The following NLGN1 variants were observed in gnomAD, a reference collection of about 807,000 sequenced individuals.
NLGN1 encodes the protein neuroligin-1.
NLGN1 carries 12 observed loss-of-function variants against 65.5 expected under a neutral mutation model. The observed-to-expected ratio is 0.18, with a 90% CI of 0.12 to 0.30. NLGN1 has a LOEUF of 0.30. NLGN1 is among the 10% of genes least tolerant of loss of function. NLGN1 has a pLI of 1.00. For missense variants in NLGN1, 750 were observed against 1,007.1 expected (o/e 0.74, Z 3.46); for synonymous variants, 350 against 359.5 (o/e 0.97, Z 0.30).
intron 3 of NLGN1, among the ~76,000 whole-genome samples, chr3:173,796,389 A>G (rs1270041909): frequency 6.6e-6 from 1 of 150,382 alleles, no homozygotes; most frequent in African/African-American, 2.5e-5. Flanking sequence ...GTCCTTTACC[A>G]GAACCCATAC....
chr3:173,711,571 C>T (rs1768997055), intron 3 of NLGN1, among the ~76,000 whole-genome samples: 1 of 152,108 alleles, frequency 6.6e-6, no homozygotes, highest in African/African-American at 2.4e-5. Context: ...AGCATCAAAG[C>T]TCATTAGTTT....
intron 2 of NLGN1, among the ~76,000 whole-genome samples, chr3:173,514,639 G>T (rs1436757832): frequency 6.6e-6 from 1 of 152,074 alleles, no homozygotes; most frequent in African/African-American, 2.4e-5. Context: ...GAAATTTTGT[G>T]CCCATTGATC....
chr3:173,524,605 A>G (rs60259155), intron 2 of NLGN1, among the ~76,000 whole-genome samples: 5,399 of 152,172 alleles, frequency 0.035, 313 homozygotes, highest in African/African-American at 0.12. Context: ...ACTGTGTTGA[A>G]TAGTAGTGGT....
Position 173,941,949 on chromosome 3 carries a change from C to T in NLGN1, c.646+134117C>T, listed in dbSNP as rs976372215. On this transcript the variant is annotated intron_variant, in intron 4 of 6. Coordinates refer to ENST00000457714, the Ensembl canonical transcript of NLGN1. ...AAACATCCTGCTTATGAAGAAGTGACATCCACAGATGCTATGGGGCACTGG... is the reference window on the plus strand; with the variant it reads ...AAACATCCTGCTTATGAAGAAGTGATATCCACAGATGCTATGGGGCACTGG... 2.6e-5 allele frequency among the ~76,000 whole-genome samples: 4 copies of T among 151,902 alleles called. No homozygotes were observed. The Middle Eastern group carries it at 0.01, about 388-fold the overall frequency.
At chr3:173,672,751 T>G (rs897084514) in intron 3 of NLGN1, among the ~76,000 whole-genome samples, 11 of 152,222 alleles carry the variant, frequency 7.2e-5, no homozygotes, top group Non-Finnish European at 1.5e-4. Context: ...GTATAACATT[T>G]TATAATTTTA....
At chr3:173,590,032 T>C (rs1176795984) in intron 2 of NLGN1, among the ~76,000 whole-genome samples, 1 of 152,148 alleles carries the variant, frequency 6.6e-6, no homozygotes, top group Non-Finnish European at 1.5e-5. Flanking sequence ...TTTTTTTCCA[T>C]GTGACAACCA....
chr3:174,064,562 T>C (rs1346923252), intron 4 of NLGN1, among the ~76,000 whole-genome samples: 1 of 150,150 alleles, frequency 6.7e-6, no homozygotes, highest in Non-Finnish European at 1.5e-5. Context: ...ATTAATTACA[T>C]TAATATTAAT....
intron 3 of NLGN1, among the ~76,000 whole-genome samples, chr3:173,695,025 T>A (rs1294687517): frequency 1.3e-5 from 2 of 152,194 alleles, no homozygotes; most frequent in Non-Finnish European, 1.5e-5. Flanking sequence ...ACTTTCAGTA[T>A]CTGAGGCTTT....
At chr3:174,198,844 C>CCTT in intron 4 of NLGN1, among the ~76,000 whole-genome samples, 1 of 99,890 alleles carries the variant, frequency 1.0e-5, no homozygotes, top group South Asian at 3.6e-4. Flanking sequence ...TGACTAGATT[C>CCTT]TTTTTTTTTT....
downstream of NLGN1, among the ~76,000 whole-genome samples, chr3:174,290,470 G>T (rs1486031687): frequency 6.6e-6 from 1 of 151,028 alleles, no homozygotes; most frequent in African/African-American, 2.4e-5. Context: ...CATTTTAAAT[G>T]TCTCAGAATA....
At chr3:174,088,670 G>A (rs1743903357) in intron 4 of NLGN1, among the ~76,000 whole-genome samples, 1 of 151,394 alleles carries the variant, frequency 6.6e-6, no homozygotes, top group South Asian at 2.1e-4. Context: ...GGAGAATGGT[G>A]TGAACTCGGG....
intron 2 of NLGN1, among the ~76,000 whole-genome samples, chr3:173,474,270 T>A (rs1442520923): frequency 6.6e-6 from 1 of 152,170 alleles, no homozygotes; most frequent in Non-Finnish European, 1.5e-5. Context: ...TCTTCAGTAC[T>A]TCATGAAAGA....
At chr3:174,267,031 A>G (rs979940847) in intron 4 of NLGN1, among the ~76,000 whole-genome samples, 1 of 152,162 alleles carries the variant, frequency 6.6e-6, no homozygotes. Flanking sequence ...TCTAATAATG[A>G]TAATTTTATG....
intron 4 of NLGN1, among the ~76,000 whole-genome samples, chr3:173,906,243 A>C (rs1265089934): frequency 1.3e-5 from 2 of 152,120 alleles, no homozygotes; most frequent in Non-Finnish European, 2.9e-5. Flanking sequence ...TTTGCACTGG[A>C]TCGTATTGCT....
intron 4 of NLGN1, among the ~76,000 whole-genome samples, chr3:174,085,284 T>G (rs1449348713): frequency 6.6e-6 from 1 of 152,068 alleles, no homozygotes; most frequent in African/African-American, 2.4e-5. Flanking sequence ...TTAAAACTCC[T>G]TATTCAAATT....
chr3:173,673,452 G>A (rs1030450030), intron 3 of NLGN1, among the ~76,000 whole-genome samples: 20 of 152,060 alleles, frequency 1.3e-4, no homozygotes, highest in African/African-American at 4.8e-4. Flanking sequence ...TTAAAATATA[G>A]CCTATTTTAC....
chr3:173,842,575 C>T (rs13091147), intron 4 of NLGN1, among the ~76,000 whole-genome samples: 3,876 of 152,272 alleles, frequency 0.025, 86 homozygotes, highest in Non-Finnish European at 0.038. Context: ...AACAAAGGAA[C>T]TACAGGCTTC....
At chr3:174,190,542 CTT>C (rs1732194899) in intron 4 of NLGN1, among the ~76,000 whole-genome samples, 1 of 151,826 alleles carries the variant, frequency 6.6e-6, no homozygotes, top group African/African-American at 2.4e-5. Context: ...ACTGAAATCA[CTT>C]TATTCAAAAA....
At chr3:174,075,506 C>T (rs566064544) in intron 4 of NLGN1, among the ~76,000 whole-genome samples, 12 of 152,158 alleles carry the variant, frequency 7.9e-5, no homozygotes, top group Non-Finnish European at 1.5e-5. Context: ...CAAAAGGAAT[C>T]GGAATTTCCT....
Sources: allele counts gnomAD v4.1 joint callset (sites outside exome capture counted in the v4.1 genomes callset), GRCh38; gene constraint gnomAD v4.1.1; transcripts MANE v1.5; gene names NCBI Gene and HGNC (gene_info 2026-07-23, HGNC 2026-07-21).